Variants in LUZP1 observed in about 807,000 individuals in gnomAD.
The protein encoded by LUZP1 is leucine zipper protein 1.
Under a neutral mutation model 71.3 loss-of-function variants are expected in LUZP1, and 25 were observed. That is an observed-to-expected ratio of 0.35 (90% CI 0.26 to 0.49). LUZP1 has a LOEUF of 0.49. Ranked by LOEUF, LUZP1 falls within the 20% of genes least tolerant of loss-of-function variation. The probability of loss-of-function intolerance (pLI) is 0.99; values close to 1 mark genes in which losing one functional copy is unlikely to be tolerated. For synonymous variants in LUZP1, 481 were observed against 506.4 expected, an observed-to-expected ratio of 0.95 and a Z score of 0.67; for missense variants, 1,142 against 1,300.8, an observed-to-expected ratio of 0.88 and a Z score of 1.88.
chr1:23,136,909 C>T (rs923933273), intron 2 of LUZP1, among the ~76,000 whole-genome samples: 1 of 152,130 alleles, frequency 6.6e-6, no homozygotes, highest in South Asian at 2.1e-4. Flanking sequence ...CAGAGCAAGA[C>T]TCCATCTCAA....
At chr1:23,162,352 A>T (rs1357549564) in intron 2 of LUZP1, among the ~76,000 whole-genome samples, 1 of 152,174 alleles carries the variant, frequency 6.6e-6, no homozygotes, top group Non-Finnish European at 1.5e-5. Flanking sequence ...TTTGTGGGAA[A>T]AAAACATCAA....
intron 2 of LUZP1, chr1:23,140,761 G>A (rs1015576756): frequency 3.3e-5 from 5 of 152,616 alleles, no homozygotes; most frequent in African/African-American, 1.2e-4. Flanking sequence ...CCTTCACTCA[G>A]GGCCTACAGC....
At chr1:23,142,889 G>A (rs1202515618) in intron 2 of LUZP1, among the ~76,000 whole-genome samples, 1 of 152,060 alleles carries the variant, frequency 6.6e-6, no homozygotes, top group East Asian at 1.9e-4. Flanking sequence ...GAATAGGCCA[G>A]GCACGGTGGC....
chr1:23,117,515 G>GT (rs1369282101), intron 2 of LUZP1, among the ~76,000 whole-genome samples: 3 of 72,228 alleles, frequency 4.2e-5, no homozygotes, highest in African/African-American at 2.7e-4. Flanking sequence ...CCTGGGGGGG[G>GT]GGGCGGGGGG....
intron 2 of LUZP1, among the ~76,000 whole-genome samples, chr1:23,128,539 G>A (rs1203971871): frequency 6.6e-6 from 1 of 152,124 alleles, no homozygotes; most frequent in African/African-American, 2.4e-5. Context: ...AGCCTCTAAG[G>A]CCAGCATTAT....
chr1:23,119,229 T>TA (rs1350233158), intron 2 of LUZP1, among the ~76,000 whole-genome samples: 1 of 149,036 alleles, frequency 6.7e-6, no homozygotes, highest in African/African-American at 2.5e-5. Context: ...ACATTTTTTT[T>TA]AACGACCTGA....
intron 1 of LUZP1, among the ~76,000 whole-genome samples, chr1:23,173,361 T>TC (rs1644564434): frequency 3.7e-5 from 5 of 135,876 alleles, no homozygotes; most frequent in South Asian, 4.7e-4. Context: ...TTTTTTTTTT[T>TC]TTTTTTTTTT....
intron 2 of LUZP1, among the ~76,000 whole-genome samples, chr1:23,159,368 C>A (rs1644446703): frequency 6.6e-6 from 1 of 152,060 alleles, no homozygotes; most frequent in South Asian, 2.1e-4. Flanking sequence ...TACTGCTCCC[C>A]TCCCAAAGAT....
At chr1:23,111,406 T>C (rs1370189374) in intron 2 of LUZP1, among the ~76,000 whole-genome samples, 1 of 149,712 alleles carries the variant, frequency 6.7e-6, no homozygotes, top group African/African-American at 2.5e-5. Context: ...AAAAAAAAAT[T>C]TTAATTAGCT....
At chr1:23,173,292 C>T (rs541841370) in intron 1 of LUZP1, among the ~76,000 whole-genome samples, 1 of 116,448 alleles carries the variant, frequency 8.6e-6, no homozygotes, top group South Asian at 3.1e-4. Context: ...GCTAGAGAAC[C>T]TTCAGTTTTT....
At chr1:23,119,251 CTTTTTTTTTTT>C (rs35522356) in intron 2 of LUZP1, among the ~76,000 whole-genome samples, 3 of 69,996 alleles carry the variant, frequency 4.3e-5, no homozygotes, top group African/African-American at 1.2e-4. Context: ...GTGACTAGCT[CTTTTTTTTTTT>C]TTTTTTTTTT....
At chr1:23,091,757 G>A (rs772597434) in exon 4 of LUZP1, 1 of 1,614,048 alleles carries the variant, frequency 6.2e-7, no homozygotes, top group Non-Finnish European at 8.5e-7. Context: ...TGACATGGTT[G>A]CTAACTGATG....
At chr1:23,098,311 T>C (rs910375410) in intron 3 of LUZP1, among the ~76,000 whole-genome samples, 1 of 152,118 alleles carries the variant, frequency 6.6e-6, no homozygotes, top group African/African-American at 2.4e-5. Context: ...TGAAGGCTTG[T>C]TGGAGTAAGG....
chr1:23,105,063 T>C lies in LUZP1; in HGVS notation c.-120+3959A>G, dbSNP rs146932369. On this transcript the variant is annotated intron_variant, in intron 3 of 4. Transcript: ENST00000302291. Reference sequence around the variant, plus strand: ...GGATATGGGAAGCAAATTTGCAACCTGTATTGGACAAAGGGATTAAGTAAG... The same window carrying C: ...GGATATGGGAAGCAAATTTGCAACCCGTATTGGACAAAGGGATTAAGTAAG... 4.5e-3 allele frequency among the ~76,000 whole-genome samples: 689 copies of C among 152,348 alleles called. 7 individuals are homozygous for C. Among genetic ancestry groups the C allele is most frequent in the African/African-American group, 0.015 (622 of 41,582 alleles).
intron 1 of LUZP1, among the ~76,000 whole-genome samples, chr1:23,173,022 C>T (rs1185847190): frequency 6.6e-6 from 1 of 151,522 alleles, no homozygotes; most frequent in Non-Finnish European, 1.5e-5. Flanking sequence ...GGGGTTTCAC[C>T]ATGTTGGTCA....
intron 1 of LUZP1, among the ~76,000 whole-genome samples, chr1:23,174,587 A>G (rs536000515): frequency 6.6e-6 from 1 of 152,304 alleles, no homozygotes; most frequent in Non-Finnish European, 1.5e-5. Context: ...TGTGTCTACC[A>G]TGTCTAAACT....
At chr1:23,084,739 CT>C (rs998983779) in exon 5 of LUZP1, 13 of 151,994 alleles carry the variant, frequency 8.6e-5, no homozygotes, top group African/African-American at 2.4e-4. Context: ...TTTTCCCCCC[CT>C]AGTCTTAGAA....
chr1:23,110,635 T>TACAC (rs1553137224), intron 2 of LUZP1, among the ~76,000 whole-genome samples: 2,924 of 41,876 alleles, frequency 0.07, 93 homozygotes, highest in African/African-American at 0.15. Flanking sequence ...CGCGCACACA[T>TACAC]ACACACACAC....
intron 2 of LUZP1, among the ~76,000 whole-genome samples, chr1:23,149,741 AT>A (rs1644368794): frequency 6.6e-6 from 1 of 152,054 alleles, no homozygotes; most frequent in Non-Finnish European, 1.5e-5. Context: ...TTGGGAGCGG[AT>A]CACGAGGTCA....
Sources: allele counts gnomAD v4.1 joint callset (sites outside exome capture counted in the v4.1 genomes callset), GRCh38; gene constraint gnomAD v4.1.1; transcripts MANE v1.5; gene names NCBI Gene and HGNC (gene_info 2026-07-23, HGNC 2026-07-21).